The following NRXN1 variants were observed in gnomAD, a reference collection of about 807,000 sequenced individuals.
NRXN1 encodes neurexin 1, also known as neurexin-1.
A neutral mutation model predicts 150.9 loss-of-function variants in NRXN1; 39 were observed. That is an observed-to-expected ratio of 0.26 (90% confidence interval 0.20 to 0.34). The LOEUF is 0.34. Among genes scored for constraint, NRXN1 ranks in the 10% least tolerant of loss-of-function variants. NRXN1 has a pLI of 1.00. For missense variants in NRXN1, 1,815 were observed against 1,949.9 expected, an observed-to-expected ratio of 0.93 and a Z score of 1.30; for synonymous variants, 924 against 757.0, an observed-to-expected ratio of 1.22 and a Z score of -3.62.
chr2:50,202,289 A>C (rs1389751669), intron 18 of NRXN1, among the ~76,000 whole-genome samples: 1 of 152,078 alleles, frequency 6.6e-6, no homozygotes, highest in Non-Finnish European at 1.5e-5. Context: ...GGAGGATCAC[A>C]AGGTCAGGAG....
chr2:50,376,581 G>A (rs2080515108), intron 17 of NRXN1, among the ~76,000 whole-genome samples: 3 of 152,054 alleles, frequency 2.0e-5, no homozygotes, highest in Admixed American at 6.6e-5. Flanking sequence ...AGAAAGGTAT[G>A]AGCAAATATA....
At chr2:50,950,601 AATG>A (rs1371539980) in intron 2 of NRXN1, among the ~76,000 whole-genome samples, 1 of 152,164 alleles carries the variant, frequency 6.6e-6, no homozygotes, top group Non-Finnish European at 1.5e-5. Flanking sequence ...TGCATTTTAG[AATG>A]TTAAGTAGAA....
At chr2:50,238,173 A>C (rs2065652087) in intron 17 of NRXN1, among the ~76,000 whole-genome samples, 1 of 152,136 alleles carries the variant, frequency 6.6e-6, no homozygotes, top group East Asian at 1.9e-4. Flanking sequence ...GTCTTACCTC[A>C]ATGCATCATT....
chr2:50,566,796 T>C (rs1339379665), intron 8 of NRXN1, among the ~76,000 whole-genome samples: 2 of 152,144 alleles, frequency 1.3e-5, no homozygotes, highest in African/African-American at 2.4e-5. Flanking sequence ...ACAGATGCGA[T>C]TCTAGTGCAT....
intron 18 of NRXN1, among the ~76,000 whole-genome samples, chr2:50,229,476 T>C (rs936570932): frequency 1.1e-4 from 16 of 152,102 alleles, no homozygotes; most frequent in African/African-American, 3.6e-4. Context: ...TGTTTAGAGT[T>C]CTGCAAAGCC....
At chr2:50,293,075 C>A (rs920587193) in intron 17 of NRXN1, among the ~76,000 whole-genome samples, 3 of 152,152 alleles carry the variant, frequency 2.0e-5, no homozygotes, top group Non-Finnish European at 4.4e-5. Flanking sequence ...TACCCCAAGT[C>A]TTTCTGATTC....
intron 8 of NRXN1, among the ~76,000 whole-genome samples, chr2:50,606,754 GAAT>G (rs757781098): frequency 2.6e-5 from 4 of 151,914 alleles, no homozygotes; most frequent in Admixed American, 6.6e-5. Flanking sequence ...GAAAATTAAA[GAAT>G]AATAAAGTTT....
At chr2:50,596,563 A>G (rs890813586) in intron 8 of NRXN1, among the ~76,000 whole-genome samples, 12 of 152,190 alleles carry the variant, frequency 7.9e-5, no homozygotes, top group African/African-American at 2.9e-4. Context: ...GACTCTCTCC[A>G]CTATTCCACT....
chr2:49,930,777 T>G (rs1417482794), intron 22 of NRXN1, among the ~76,000 whole-genome samples: 1 of 152,218 alleles, frequency 6.6e-6, no homozygotes, highest in African/African-American at 2.4e-5. Flanking sequence ...GTTTTATGTA[T>G]AGTTAGATGA....
chr2:50,575,487 C>T (rs1225816701), intron 8 of NRXN1, among the ~76,000 whole-genome samples: 3 of 152,208 alleles, frequency 2.0e-5, no homozygotes, highest in South Asian at 2.1e-4. Flanking sequence ...GTTCCAATCC[C>T]GCATACCGTT....
chr2:50,177,561 T>C (rs1375477728), intron 18 of NRXN1, among the ~76,000 whole-genome samples: 1 of 151,942 alleles, frequency 6.6e-6, no homozygotes, highest in African/African-American at 2.4e-5. Context: ...AAATATTATA[T>C]TCTCAAAAGC....
rs4031417 is a variant in NRXN1 at position 50,962,517 on chromosome 2, G to GGTTT, written c.773-36566_773-36563dup. Among the ~76,000 whole-genome samples, 736 of 149,524 alleles carry GGTTT rather than the reference G, an allele frequency of 4.9e-3. 5 individuals carry two copies. The highest frequency in any genetic ancestry group is 0.016 in the African/African-American group (665 of 40,850). ...TATATATTCACAGAGCCAAGTGCTT[G>GGTTT]GTTTGTTTGTTTGTTTGTTTGTTTG... On this transcript the variant is annotated intron_variant, in intron 2 of 22. Transcript: ENST00000401669.
chr2:50,141,317 A>C (rs1296576190), intron 18 of NRXN1, among the ~76,000 whole-genome samples: 1 of 152,100 alleles, frequency 6.6e-6, no homozygotes. Flanking sequence ...CTCTAAAAAC[A>C]ATAAAGATTT....
intron 22 of NRXN1, among the ~76,000 whole-genome samples, chr2:49,922,622 A>T (rs1668425247): frequency 6.6e-6 from 1 of 152,190 alleles, no homozygotes; most frequent in Non-Finnish European, 1.5e-5. Context: ...TACTAGAGGG[A>T]ATCATAAGAA....
intron 12 of NRXN1, among the ~76,000 whole-genome samples, chr2:50,515,460 C>T (rs1445299380): frequency 6.6e-6 from 1 of 152,122 alleles, no homozygotes; most frequent in African/African-American, 2.4e-5. Flanking sequence ...AAACCAGTCC[C>T]TCATGCCAAA....
Position 50,654,808 on chromosome 2 carries a change from G to T in NRXN1, c.833-31193C>A, listed in dbSNP as rs541213236. Among the ~76,000 whole-genome samples the T allele has an allele frequency of 2.2e-4, 34 of 152,016 alleles. No homozygotes were observed. The East Asian group carries it at 6.0e-3, about 27-fold the overall frequency. On this transcript the variant is annotated intron_variant, in intron 5 of 22. Transcript: ENST00000401669. ...ATGATGAGCATTTTCTCATGTGTCT[G>T]TTGGCTGCATAAATGTCTTCTTTTG... is the stretch of plus-strand genomic sequence containing the variant.
intron 18 of NRXN1, among the ~76,000 whole-genome samples, chr2:50,101,519 C>G (rs1409698439): frequency 2.0e-5 from 3 of 151,988 alleles, no homozygotes; most frequent in African/African-American, 7.2e-5. Context: ...CAAAGCCCAA[C>G]ATTTTTCAGA....
At chr2:50,064,044 G>T (rs1694969436) in intron 19 of NRXN1, among the ~76,000 whole-genome samples, 1 of 152,098 alleles carries the variant, frequency 6.6e-6, no homozygotes, top group East Asian at 1.9e-4. Context: ...ATTGGATTGT[G>T]AGAGGAATAG....
chr2:50,296,385 T>C (rs147061108), intron 17 of NRXN1, among the ~76,000 whole-genome samples: 2,821 of 152,232 alleles, frequency 0.019, 41 homozygotes, highest in South Asian at 0.03. Flanking sequence ...ATACAGATCA[T>C]GGGGATACGA....
Sources: allele counts gnomAD v4.1 joint callset (sites outside exome capture counted in the v4.1 genomes callset), GRCh38; gene constraint gnomAD v4.1.1; transcripts MANE v1.5; gene names NCBI Gene and HGNC (gene_info 2026-07-23, HGNC 2026-07-21).